The following IDUA variants were observed in gnomAD, a reference collection of about 807,000 sequenced individuals.
IDUA encodes alpha-L-iduronidase.
A neutral mutation model predicts 68.9 loss-of-function variants in IDUA; 65 were observed. The ratio of observed to expected loss-of-function variants is 0.94; its 90% CI spans 0.77 to 1.16. IDUA has a LOEUF of 1.16. IDUA is among the 50% of genes most tolerant of loss of function. The pLI, the probability that IDUA is intolerant of heterozygous loss-of-function variation, is 0.00. For synonymous variants in IDUA, 529 were observed against 433.6 expected (o/e 1.22, Z -2.73); for missense variants, 1,046 against 938.0 (o/e 1.12, Z -1.50).
At chr4:1,000,535 G>A (rs1474091405) in intron 2 of IDUA, 77 bp from the exon 3 acceptor site, 10 of 1,166,870 alleles carry the variant, frequency 8.6e-6, no homozygotes, top group East Asian at 4.7e-5. Flanking sequence ...CACATGCTCC[G>A]TTGTGGCCAC....
intron 2 of IDUA, chr4:988,206 G>A: frequency 7.4e-7 from 1 of 1,345,590 alleles, no homozygotes; most frequent in Non-Finnish European, 9.6e-7. Context: ...GGCTCCTGGT[G>A]CACCCGTGAG....
chr4:995,275 C>T (rs1006398267), intron 2 of IDUA, among the ~76,000 whole-genome samples: 2 of 151,836 alleles, frequency 1.3e-5, no homozygotes, highest in African/African-American at 4.8e-5. Context: ...GAACTCCTGA[C>T]CTTGTGATCC....
chr4:987,561 G>C, intron 1 of IDUA: 2 of 1,277,832 alleles, frequency 1.6e-6, no homozygotes, highest in Non-Finnish European at 2.1e-6. Context: ...CTAGAGCTGA[G>C]GTACCCGCCT....
rs752049819 is a variant in IDUA at position 1,000,988 on chromosome 4, C to A, written c.492C>A (p.Ile164=). The A allele has an allele frequency of 1.2e-6, 2 of 1,608,538 alleles. No individual in the cohort carries two copies. Among genetic ancestry groups the A allele is most frequent in the Non-Finnish European group, 8.5e-7 (1 of 1,175,824 alleles). The change falls in exon 4 of 14, where the codon ATC becomes ATA. Residue 164 remains isoleucine (I), a splice_region_variant and synonymous_variant. Coordinates refer to ENST00000514224, the MANE Select transcript of IDUA (RefSeq NM_000203.5). ...DLVSSLARRY[I]GRYGLAHVSK... ...TCTCCAGCCTGGCCAGGAGATACAT[C>A]GGTGGGCGAGCGCAGGCCCTGGGGC... is the stretch of plus-strand genomic sequence containing the variant.
chr4:990,079 C>T (rs748023701), intron 2 of IDUA: 6 of 1,600,270 alleles, frequency 3.7e-6, no homozygotes, highest in East Asian at 4.5e-5. Context: ...CACCCTCAGG[C>T]GGTGTCGGTA....
Position 1,002,469 on chromosome 4 carries a change from G to T in IDUA, c.1173G>T (p.Gly391=). ...GCAAGCCGGTGCTCACGGCCATGGGGCTGCTGGCGCTGCTGGGTGAGCCGG... is the reference window on the plus strand; with the variant it reads ...GCAAGCCGGTGCTCACGGCCATGGGTCTGCTGGCGCTGCTGGGTGAGCCGG... The part of the protein sequence containing the change: ...LLRKPVLTAM[G]LLALLDEEQL... Residue 391 remains glycine, a synonymous_variant, in exon 8 of 14, where the codon GGG becomes GGT. Coordinates refer to ENST00000514224, the MANE Select transcript of IDUA (RefSeq NM_000203.5). The T allele has an allele frequency of 6.5e-7, 1 of 1,543,276 alleles. No homozygotes were observed. The highest frequency in any genetic ancestry group is 1.2e-5 in the South Asian group (1 of 83,468).
Position 1,003,622 on chromosome 4 carries a change from C to G in IDUA, c.1724C>G (p.Ser575Cys). 1 of 1,612,416 alleles carries G rather than the reference C, an allele frequency of 6.2e-7. No individual in the cohort carries two copies. ...GTCTGGTCGGATGAACACGTGGGCTCCAAGTGCGTGAGTGGGGCCGCCCCT... is the reference window on the plus strand; with the variant it reads ...GTCTGGTCGGATGAACACGTGGGCTGCAAGTGCGTGAGTGGGGCCGCCCCT... ...VLVWSDEHVG[S>C]KCLWTYEIQF... Residue 575 changes from serine (S) to cysteine (C), a missense_variant, in exon 12 of 14, where the codon TCC becomes TGC. Transcript: ENST00000514224.
intron 2 of IDUA, chr4:991,978 G>T: frequency 2.8e-6 from 2 of 727,062 alleles, no homozygotes; most frequent in Non-Finnish European, 4.8e-6. Flanking sequence ...ATGCCATGGG[G>T]TGTGCTGAGG....
intron 2 of IDUA, chr4:990,244 A>G (rs772217979): frequency 6.3e-7 from 1 of 1,584,782 alleles, no homozygotes; most frequent in Non-Finnish European, 8.6e-7. Flanking sequence ...CCGCACGCCC[A>G]GCAGGTGTTT....
intron 2 of IDUA, chr4:988,682 G>T: frequency 7.1e-7 from 1 of 1,415,158 alleles, no homozygotes; most frequent in Non-Finnish European, 9.2e-7. Context: ...TCCTTTCCCA[G>T]TTGGGGTTCC....
At position 1,003,109 on chromosome 4, in the gene IDUA, G is replaced by A; in HGVS notation, c.1476G>A (p.Arg492=). The change falls in exon 10 of 14, where the codon CGG becomes CGA. Residue 492 remains arginine (R), a synonymous_variant. Coordinates refer to ENST00000514224, the MANE Select transcript of IDUA (RefSeq NM_000203.5). ...SPDGEWRRLG[R]PVFPTAEQFR... The stretch of plus-strand genomic sequence containing the variant: ...ACGGCGAGTGGCGGCGCCTGGGCCG[G>A]CCCGTCTTCCCCACGGCAGAGCAGT... The A allele has an allele frequency of 1.3e-6, 2 of 1,513,950 alleles. No individual in the cohort carries two copies. Among genetic ancestry groups the A allele is most frequent in the Non-Finnish European group, 1.8e-6 (2 of 1,139,306 alleles). 93.8% of individuals were successfully genotyped at this position (1,513,950 alleles called of 1,614,324 possible).
Position 987,171 on chromosome 4 carries a change from G to A in IDUA, c.87G>A (p.Pro29=), listed in dbSNP as rs1330030153. 5 of 1,450,888 alleles carry A rather than the reference G, an allele frequency of 3.4e-6. No homozygotes were observed. Among genetic ancestry groups the A allele is most frequent in the African/African-American group, 1.5e-5 (1 of 67,588 alleles). 89.9% of individuals were successfully genotyped at this position (1,450,888 alleles called of 1,614,324 possible). The part of the protein sequence containing the change: ...AAPPVAPAEA[P]HLVHVDAARA... ...CCCCGGTGGCCCCGGCCGAGGCCCC[G>A]CACCTGGTGCATGTGGACGCGGCCC... Residue 29 remains proline, a synonymous_variant, in exon 1 of 14, where the codon CCG becomes CCA. Transcript: ENST00000514224.
chr4:1,001,918 G>A (rs928654518), intron 6 of IDUA, 37 bp downstream of exon 6: 4 of 1,569,056 alleles, frequency 2.5e-6, no homozygotes, highest in Non-Finnish European at 3.5e-6. Context: ...GGTGTTCTGC[G>A]CCCTCAGCCG....
At chr4:987,604 GC>G in intron 1 of IDUA, 1 of 1,428,352 alleles carries the variant, frequency 7.0e-7, no homozygotes, top group Non-Finnish European at 9.2e-7. Flanking sequence ...GCTGGCGTTG[GC>G]CCCTCGTCTT....
At chr4:998,299 T>C (rs73219723) in intron 2 of IDUA, among the ~76,000 whole-genome samples, 6,025 of 152,214 alleles carry the variant, frequency 0.04, 166 homozygotes, top group Non-Finnish European at 0.064. Flanking sequence ...TTGTACACCA[T>C]GGGAGGACCA....
chr4:989,068 G>A (rs1252159104), intron 2 of IDUA: 14 of 1,590,042 alleles, frequency 8.8e-6, no homozygotes, highest in Non-Finnish European at 1.0e-5. Context: ...CACACCGGCT[G>A]CGTCTAGGAA....
In IDUA at chr4:1,000,901, C is replaced by T. The variant is rs201326626; in HGVS notation, c.405C>T (p.Ser135=). Residue 135 remains serine, a synonymous_variant, in exon 4 of 14, where the codon AGC becomes AGT. Coordinates refer to ENST00000514224, the MANE Select transcript of IDUA (RefSeq NM_000203.5). ...QLLPGFELMG[S]ASGHFTDFED... ...TTCCAGGGTTTGAGCTGATGGGCAG[C>T]GCCTCGGGCCACTTCACTGACTTTG... is the stretch of plus-strand genomic sequence containing the variant. 157 of 1,613,166 alleles carry T rather than the reference C, an allele frequency of 9.7e-5. No homozygotes were observed. The East Asian group carries it at 2.3e-3, about 23-fold the overall frequency.
chr4:987,693 C>T (rs1238579484), intron 1 of IDUA, 116 bp from the exon 2 acceptor site: 4 of 1,531,678 alleles, frequency 2.6e-6, no homozygotes, highest in South Asian at 1.2e-5. Context: ...AGTCACTGAA[C>T]GCACGGGCAG....
chr4:1,000,715 C>A lies in IDUA; in HGVS notation c.385+18C>A. The A allele has an allele frequency of 1.9e-6, 3 of 1,583,888 alleles. No homozygotes were observed. Among genetic ancestry groups the A allele is most frequent in the Non-Finnish European group, 2.6e-6 (3 of 1,154,426 alleles). On this transcript the variant is annotated intron_variant, in intron 3 of 13. Transcript: ENST00000514224. ...CCTCCCAGGTGAGCTGTGGGCTCTG[C>A]CCTCCCAGCCCGCCTGCACCCCCTT...
Sources: allele counts gnomAD v4.1 joint callset (sites outside exome capture counted in the v4.1 genomes callset), GRCh38; gene constraint gnomAD v4.1.1; transcripts MANE v1.5; gene names NCBI Gene and HGNC (gene_info 2026-07-23, HGNC 2026-07-21).